The following TLE1 variants were observed in gnomAD, a reference collection of about 807,000 sequenced individuals.
TLE1 encodes transducin-like enhancer protein 1.
A neutral mutation model predicts 89.8 loss-of-function variants in TLE1; 21 were observed. The ratio of observed to expected loss-of-function variants is 0.23; its 90% confidence interval spans 0.17 to 0.34. The LOEUF is 0.34. TLE1 is among the 10% of genes least tolerant of loss of function. The pLI is 1.00. For synonymous variants in TLE1, 447 were observed against 407.6 expected (o/e 1.10, Z -1.16); for missense variants, 795 against 1,031.2 (o/e 0.77, Z 3.14).
chr9:81,616,163 G>T, intron 10 of TLE1, 29 bp from the exon 11 acceptor site: 1 of 1,582,974 alleles, frequency 6.3e-7, no homozygotes, highest in South Asian at 1.2e-5. Flanking sequence ...AAGTTTTCGT[G>T]ATTTAGCTTG....
chr9:81,656,098 A>G (rs1830122149), intron 4 of TLE1, among the ~76,000 whole-genome samples: 1 of 152,144 alleles, frequency 6.6e-6, no homozygotes, highest in Non-Finnish European at 1.5e-5. Flanking sequence ...TAGAGAGAGG[A>G]AGCCCGTGCA....
At chr9:81,619,785 T>C (rs1009331653) in intron 9 of TLE1, among the ~76,000 whole-genome samples, 3 of 152,202 alleles carry the variant, frequency 2.0e-5, no homozygotes, top group Non-Finnish European at 1.5e-5. Context: ...CTTTTGAATG[T>C]GGTTTTAGCT....
At chr9:81,587,471 C>T (rs1828675601) in intron 17 of TLE1, among the ~76,000 whole-genome samples, 1 of 152,146 alleles carries the variant, frequency 6.6e-6, no homozygotes, top group Non-Finnish European at 1.5e-5. Flanking sequence ...CTACAGGATT[C>T]TAAAAACCAC....
intron 6 of TLE1, among the ~76,000 whole-genome samples, chr9:81,635,074 G>A (rs1827200125): frequency 6.6e-6 from 1 of 152,140 alleles, no homozygotes; most frequent in Admixed American, 6.6e-5. Context: ...CTATCCCTAG[G>A]CAAGAGGGGA....
chr9:81,617,133 C>CAA (rs56692367), intron 9 of TLE1, among the ~76,000 whole-genome samples: 30 of 124,200 alleles, frequency 2.4e-4, no homozygotes, highest in Non-Finnish European at 3.6e-4. Context: ...CTAGTTAATG[C>CAA]AAAAAAAAAA....
chr9:81,607,096 A>C (rs181270893), intron 14 of TLE1, among the ~76,000 whole-genome samples: 1 of 151,220 alleles, frequency 6.6e-6, no homozygotes, highest in African/African-American at 2.4e-5. Flanking sequence ...GAGAGATTTT[A>C]ATTATTTTAG....
chr9:81,647,553 T>C (rs1829007685), intron 6 of TLE1, among the ~76,000 whole-genome samples: 1 of 152,178 alleles, frequency 6.6e-6, no homozygotes, highest in South Asian at 2.1e-4. Context: ...GCACTGCTGC[T>C]TGGCACAACC....
intron 4 of TLE1, among the ~76,000 whole-genome samples, chr9:81,669,609 C>T (rs1309834914): frequency 6.7e-6 from 1 of 150,046 alleles, no homozygotes; most frequent in Non-Finnish European, 1.5e-5. Context: ...TACACCTCCA[C>T]CCTCCCCCCC....
rs765262347 is a variant in TLE1 at position 81,687,438 on chromosome 9, G to A, written c.25-4C>T. 73 of 1,606,694 alleles carry A rather than the reference G, an allele frequency of 4.5e-5. No individual in the cohort carries two copies. Among genetic ancestry groups the A allele is most frequent in the Non-Finnish European group, 6.1e-5 (72 of 1,176,994 alleles). On this transcript the variant is annotated splice_region_variant and splice_polypyrimidine_tract_variant and intron_variant, in intron 1 of 19. Transcript: ENST00000376499. The stretch of plus-strand genomic sequence containing the variant: ...GGCCTGCAGCCTGGTGCGGCGTCTG[G>A]GGGCGACCAGCGAGGGGGACCGAGG...
intron 8 of TLE1, among the ~76,000 whole-genome samples, chr9:81,625,631 G>A (rs1825801934): frequency 6.6e-6 from 1 of 152,134 alleles, no homozygotes; most frequent in Non-Finnish European, 1.5e-5. Context: ...GTAAGTAGGT[G>A]GGTTGACTGA....
At chr9:81,607,351 C>A (rs180681781) in intron 14 of TLE1, among the ~76,000 whole-genome samples, 2 of 151,948 alleles carry the variant, frequency 1.3e-5, no homozygotes, top group African/African-American at 4.8e-5. Flanking sequence ...CACACACACA[C>A]ACACATATAA....
intron 6 of TLE1, among the ~76,000 whole-genome samples, chr9:81,641,969 C>T (rs1331530455): frequency 3.3e-5 from 5 of 152,064 alleles, no homozygotes; most frequent in South Asian, 2.1e-4. Context: ...TTGCAGTAAG[C>T]GGAGATCGCG....
intron 4 of TLE1, among the ~76,000 whole-genome samples, chr9:81,654,969 C>T (rs1033266865): frequency 6.6e-6 from 1 of 152,172 alleles, no homozygotes; most frequent in Non-Finnish European, 1.5e-5. Flanking sequence ...GAAAGTTTCG[C>T]CACAGTTCAG....
chr9:81,611,771 TG>T lies in TLE1; in HGVS notation c.1251del (p.Met418TrpfsTer10). On this transcript the variant is annotated frameshift_variant, in exon 13 of 20. Coordinates refer to ENST00000376499, the MANE Select transcript of TLE1 (RefSeq NM_005077.5). LOFTEE classifies it high-confidence loss of function. ...CAGCCCACCCGACAGCGGCCTACCA[TG>T]GGGGAGCGCCCGTAGGCCACCACGG... is the stretch of plus-strand genomic sequence containing the variant. ...AAAVVAYGRS[P>X]MVGFDPPPHM... 6.5e-7 allele frequency: 1 copy of T among 1,527,434 alleles called. No homozygotes were observed. The highest frequency in any genetic ancestry group is 1.3e-5 in the South Asian group (1 of 79,010). The allele number at this position is 1,527,434 out of a possible 1,614,324, so 94.6% of individuals were successfully genotyped here.
chr9:81,646,370 A>G (rs1180319259), intron 6 of TLE1, among the ~76,000 whole-genome samples: 2 of 152,150 alleles, frequency 1.3e-5, no homozygotes, highest in African/African-American at 4.8e-5. Context: ...AAAGGGCTAG[A>G]GTGTTGGAAT....
At chr9:81,683,611 C>T (rs1833890689) in intron 4 of TLE1, among the ~76,000 whole-genome samples, 1 of 152,146 alleles carries the variant, frequency 6.6e-6, no homozygotes, top group Non-Finnish European at 1.5e-5. Context: ...TGTAAGTCCA[C>T]TTTAAACTGA....
rs565641923 is a variant in TLE1, at chr9:81,637,989, C to A, written c.373-3688G>T. ...CCTAGGACAAGATTTCTCCTGTAAC[C>A]CCAGCAGCTCAATCATGTTCTCCAG... On this transcript the variant is annotated intron_variant, in intron 6 of 19. Transcript: ENST00000376499. Among the ~76,000 whole-genome samples the A allele has an allele frequency of 4.6e-5, 7 of 152,272 alleles. No homozygotes were observed. In the South Asian group the frequency reaches 1.4e-3, roughly 32 times the overall value.
chr9:81,586,336 T>A (rs536738792), intron 17 of TLE1, among the ~76,000 whole-genome samples: 2 of 152,278 alleles, frequency 1.3e-5, no homozygotes, highest in East Asian at 1.9e-4. Flanking sequence ...GACTTTATTG[T>A]GTGAACTTCA....
At chr9:81,683,142 G>C (rs1305731068) in intron 4 of TLE1, among the ~76,000 whole-genome samples, 11 of 152,070 alleles carry the variant, frequency 7.2e-5, no homozygotes, top group Admixed American at 7.2e-4. Flanking sequence ...TGAAAGGTGG[G>C]AAGGGAGAGC....
Sources: gnomAD v4.1 joint callset for allele counts (sites outside exome capture counted in the v4.1 genomes callset) on GRCh38, gnomAD v4.1.1 for gene constraint, MANE v1.5 for transcripts, NCBI Gene and HGNC (gene_info 2026-07-23, HGNC 2026-07-21) for gene names.